Variants in DHX34 observed in about 807,000 individuals in gnomAD.
The protein encoded by DHX34 is probable ATP-dependent RNA helicase DHX34.
A neutral mutation model predicts 111.1 loss-of-function variants in DHX34; 96 were observed. The ratio of observed to expected loss-of-function variants is 0.86; its 90% CI spans 0.73 to 1.02. DHX34 has a LOEUF of 1.02. Among genes scored for constraint, DHX34 ranks in the 50% least tolerant of loss-of-function variants. DHX34 has a pLI of 0.00. For missense variants in DHX34, 1,560 were observed against 1,579.9 expected, an observed-to-expected ratio of 0.99 and a Z score of 0.21; for synonymous variants, 688 against 670.4, an observed-to-expected ratio of 1.03 and a Z score of -0.41.
chr19:47,364,047 G>T (rs1302576779), intron 6 of DHX34, among the ~76,000 whole-genome samples: 1 of 152,206 alleles, frequency 6.6e-6, no homozygotes, highest in African/African-American at 2.4e-5. Context: ...GTGGTTTACA[G>T]GTTGGCAGGC....
chr19:47,381,826 TTTA>T, intron 16 of DHX34, 151 bp from the exon 17 acceptor site: 2 of 981,004 alleles, frequency 2.0e-6, no homozygotes, highest in Non-Finnish European at 2.4e-6. Flanking sequence ...CCTGTGTATT[TTTA>T]TTAATCTGGG....
In DHX34 at chr19:47,353,534, G is replaced by A. The variant is rs1230133031; in HGVS notation, c.504G>A (p.Gly168=). The A allele has an allele frequency of 6.2e-7, 1 of 1,613,570 alleles. No individual in the cohort carries two copies. Among genetic ancestry groups the A allele is most frequent in the Non-Finnish European group, 8.5e-7 (1 of 1,179,998 alleles). The change falls in exon 2 of 17, where the codon GGG becomes GGA. Residue 168 remains glycine, a synonymous_variant. Coordinates refer to ENST00000328771, the MANE Select transcript of DHX34 (RefSeq NM_014681.6). This position sits in a 1 kb window ranked among gnomAD's most constrained non-coding sequence, Gnocchi z 4.6. ...ERAALPIAQY[G]NRILQTLKEH... is the part of the protein sequence containing the mutation. ...CAGCCCTCCCCATCGCCCAGTATGG[G>A]AACCGCATCCTGCAGACGCTGAAGG...
Position 47,372,937 on chromosome 19 carries a change from TG to T in DHX34, c.1962+19del. ...GCCTGGGTGCAGGTGAGGCTGGTGG[TG>T]GGGGCCCTCTGTCTGTCACCCTGCT... On this transcript the variant is annotated intron_variant, in intron 8 of 16. Coordinates refer to ENST00000328771, the MANE Select transcript of DHX34 (RefSeq NM_014681.6). The T allele has an allele frequency of 6.3e-7, 1 of 1,575,968 alleles. No individual in the cohort carries two copies. The highest frequency in any genetic ancestry group is 8.6e-7 in the Non-Finnish European group (1 of 1,166,954).
chr19:47,353,050 G>C lies in DHX34; in HGVS notation c.20G>C (p.Arg7Thr). ...AGTAACATGCCTCCTCCTAGAACAA[G>C]GGAGGGCAGGGATCGCCGAGACCAC... is the stretch of plus-strand genomic sequence containing the variant. MPPPRT[R>T]EGRDRRDHHR... Residue 7 changes from arginine (R) to threonine (T), a missense_variant, in exon 2 of 17, where the codon AGG becomes ACG. Transcript: ENST00000328771. The surrounding 1 kb of genome is among the most constrained non-coding windows in gnomAD (Gnocchi z 4.6). 1 of 1,612,818 alleles carries C rather than the reference G, an allele frequency of 6.2e-7. No individual in the cohort carries two copies. Among genetic ancestry groups the C allele is most frequent in the Non-Finnish European group, 8.5e-7 (1 of 1,178,934 alleles).
At position 47,358,268 on chromosome 19, in the gene DHX34, G is replaced by A. The variant is rs535703846; in HGVS notation, c.1272+148G>A. On this transcript the variant is annotated intron_variant, in intron 4 of 16. Transcript: ENST00000328771. ...CCACCTAGTGGCAGAGCCAGGCTGC[G>A]AACCCAGGTAGTCTGGCCCCGGAGC... The A allele has an allele frequency of 1.8e-4, 257 of 1,421,564 alleles. 3 individuals carry two copies. The South Asian group carries it at 3.4e-3, about 19-fold the overall frequency. 88.1% of individuals were successfully genotyped at this position (1,421,564 alleles called of 1,614,324 possible). A position where few individuals can be genotyped will look rare whatever the true frequency, so the allele number is the denominator to read the frequency against.
rs763101376 is a variant in DHX34, at chr19:47,357,861, C to G, written c.1018-5C>G. On this transcript the variant is annotated splice_polypyrimidine_tract_variant and splice_region_variant and intron_variant, in intron 3 of 16. Transcript: ENST00000328771. ...GTGCTTCTACCTGGGGCTGTCTCCTCTCAGGTTGTGTACCAGCCGCAGGAG... is the reference window on the plus strand; with the variant it reads ...GTGCTTCTACCTGGGGCTGTCTCCTGTCAGGTTGTGTACCAGCCGCAGGAG... 4 of 1,610,238 alleles carry G rather than the reference C, an allele frequency of 2.5e-6. No homozygotes were observed. The highest frequency in any genetic ancestry group is 2.5e-6 in the Non-Finnish European group (3 of 1,177,562).
At chr19:47,358,171 G>A (rs1444759886) in intron 4 of DHX34, 51 bp downstream of exon 4, 5 of 1,575,064 alleles carry the variant, frequency 3.2e-6, no homozygotes, top group Middle Eastern at 1.7e-4. Context: ...ATGAGTCAGG[G>A]GTGGCTGCGC....
intron 3 of DHX34, among the ~76,000 whole-genome samples, chr19:47,357,473 G>T (rs533720690): frequency 5.9e-5 from 9 of 152,122 alleles, no homozygotes; most frequent in Non-Finnish European, 1.3e-4. Context: ...GGGTGGTTTT[G>T]CCCCAGAGGG....
At chr19:47,369,521 A>G (rs1969902314) in intron 7 of DHX34, among the ~76,000 whole-genome samples, 2 of 152,218 alleles carry the variant, frequency 1.3e-5, no homozygotes, top group Admixed American at 1.3e-4. Flanking sequence ...TGAATAAAAC[A>G]AAACTCCTGC....
chr19:47,361,423 A>T (rs1259587540), intron 5 of DHX34, among the ~76,000 whole-genome samples: 2 of 151,960 alleles, frequency 1.3e-5, no homozygotes, highest in Admixed American at 1.3e-4. Context: ...GTGCCACTGC[A>T]CTCAAGCCTG....
Position 47,353,543 on chromosome 19 carries a change from C to T in DHX34, c.513C>T (p.Ile171=). 1 of 1,613,496 alleles carries T rather than the reference C, an allele frequency of 6.2e-7. No individual in the cohort carries two copies. The highest frequency in any genetic ancestry group is 8.5e-7 in the Non-Finnish European group (1 of 1,179,998). Residue 171 remains isoleucine (I), a synonymous_variant, in exon 2 of 17, where the codon ATC becomes ATT. Transcript: ENST00000328771. This position sits in a 1 kb window ranked among gnomAD's most constrained non-coding sequence, Gnocchi z 4.6. ...CCATCGCCCAGTATGGGAACCGCAT[C>T]CTGCAGACGCTGAAGGAGCACCAGG... ...ALPIAQYGNR[I]LQTLKEHQVV...
At position 47,375,654 on chromosome 19, in the gene DHX34, C is replaced by T. The variant is rs201215124; in HGVS notation, c.2253C>T (p.Asp751=). The change falls in exon 10 of 17, where the codon GAC becomes GAT. Residue 751 remains aspartate, a synonymous_variant. Transcript: ENST00000328771. ...LQEEQDGGSS[D]EDRAGPAPPG... ...AGGAGCAGGACGGCGGCTCCAGTGACGAGGACAGGGCTGGCCCAGCCCCCC... is the reference window on the plus strand; with the variant it reads ...AGGAGCAGGACGGCGGCTCCAGTGATGAGGACAGGGCTGGCCCAGCCCCCC... 5.4e-5 allele frequency: 84 copies of T among 1,556,672 alleles called. No homozygotes were observed. The highest frequency in any genetic ancestry group is 1.7e-4 in the Middle Eastern group (1 of 5,742).
chr19:47,373,570 G>T (rs572866145), intron 8 of DHX34, 29 bp from the exon 9 acceptor site: 15 of 1,606,710 alleles, frequency 9.3e-6, no homozygotes, highest in African/African-American at 1.3e-5. Context: ...GCCAGGCCCT[G>T]ACACCCTGGC....
chr19:47,371,028 A>G (rs1969949639), intron 7 of DHX34, among the ~76,000 whole-genome samples: 1 of 152,218 alleles, frequency 6.6e-6, no homozygotes, highest in Non-Finnish European at 1.5e-5. Flanking sequence ...TGAACTGAGA[A>G]GCAGAAGAAT....
chr19:47,381,469 C>T lies in DHX34; in HGVS notation c.3298+145C>T, dbSNP rs1036601218. 5.7e-6 allele frequency: 7 copies of T among 1,238,316 alleles called. No individual in the cohort carries two copies. In the South Asian group the frequency reaches 8.0e-5, roughly 14 times the overall value. 76.7% of individuals were successfully genotyped at this position (1,238,316 alleles called of 1,614,324 possible). A position where few individuals can be genotyped will look rare whatever the true frequency, so the allele number is the denominator to read the frequency against. On this transcript the variant is annotated intron_variant, in intron 16 of 16. Transcript: ENST00000328771. ...GGCCCTGGCTGGTGCCACACACAGG[C>T]CTTGTCCTGAAGATCAGGAGCCCAA... is the stretch of plus-strand genomic sequence containing the variant.
At chr19:47,362,267 CAAAAA>C (rs4039582) in intron 5 of DHX34, 806 of 267,626 alleles carry the variant, frequency 3.0e-3, no homozygotes, top group Non-Finnish European at 3.3e-3. Flanking sequence ...GACCCTGTCT[CAAAAA>C]AAAAAAAAAA....
chr19:47,356,968 A>T (rs570560064), intron 3 of DHX34, among the ~76,000 whole-genome samples: 1 of 152,270 alleles, frequency 6.6e-6, no homozygotes, highest in South Asian at 2.1e-4. Context: ...TTCCTGAGAA[A>T]TGTTTTCTAG....
At chr19:47,352,116 C>T (rs1015038954) in intron 1 of DHX34, among the ~76,000 whole-genome samples, 2 of 152,216 alleles carry the variant, frequency 1.3e-5, no homozygotes, top group Admixed American at 6.5e-5. Context: ...ACCTACATCT[C>T]TCCTTTAGGT....
intron 3 of DHX34, among the ~76,000 whole-genome samples, chr19:47,356,334 A>G (rs547830839): frequency 6.6e-6 from 1 of 152,158 alleles, no homozygotes; most frequent in East Asian, 1.9e-4. Context: ...AAGCAGCCAT[A>G]AAAAAAGAAA....
Sources: gnomAD v4.1 joint callset for allele counts (sites outside exome capture counted in the v4.1 genomes callset) on GRCh38, gnomAD v4.1.1 for gene constraint, Gnocchi (gnomAD v3.1) non-coding constraint, MANE v1.5 for transcripts, NCBI Gene and HGNC (gene_info 2026-07-23, HGNC 2026-07-21) for gene names.